Variants in LRCH1 observed in about 807,000 individuals in gnomAD.
The protein encoded by LRCH1 is leucine rich repeats and calponin homology domain containing 1, also known as leucine-rich repeat and calponin homology domain-containing protein 1.
LRCH1 carries 23 observed loss-of-function variants against 94.9 expected under a neutral mutation model. The ratio of observed to expected loss-of-function variants is 0.24; its 90% CI spans 0.17 to 0.34. The LOEUF (loss-of-function observed/expected upper bound fraction) is 0.34, where lower values mean the gene tolerates loss of function less well. Ranked by LOEUF, LRCH1 falls within the 10% of genes least tolerant of loss-of-function variation. The pLI is 1.00. For synonymous variants in LRCH1, 364 were observed against 354.9 expected, an observed-to-expected ratio of 1.03 and a Z score of -0.29; for missense variants, 790 against 945.9, an observed-to-expected ratio of 0.84 and a Z score of 2.16.
At chr13:46,573,582 T>C (rs964891111) in intron 1 of LRCH1, among the ~76,000 whole-genome samples, 3 of 151,978 alleles carry the variant, frequency 2.0e-5, no homozygotes, top group Non-Finnish European at 2.9e-5. Flanking sequence ...TGCAACCACA[T>C]GGATAGAACT....
intron 3 of LRCH1, among the ~76,000 whole-genome samples, chr13:46,677,255 CAAAA>C (rs67827727): frequency 1.4e-4 from 14 of 98,070 alleles, no homozygotes; most frequent in African/African-American, 4.7e-4. Context: ...ACTAAAAATA[CAAAA>C]AAAAAAAAAA....
rs148383064 is a variant in LRCH1, at chr13:46,650,101, C to G, written c.308-100C>G. The G allele has an allele frequency of 8.4e-4, 629 of 750,788 alleles. 8 individuals are homozygous for G. In the African/African-American group the frequency reaches 0.01, roughly 12 times the overall value. 46.5% of individuals were successfully genotyped at this position (750,788 alleles called of 1,614,324 possible). A position where few individuals can be genotyped will look rare whatever the true frequency, so the allele number is the denominator to read the frequency against. On this transcript the variant is annotated intron_variant, in intron 1 of 19. Transcript: ENST00000389797. ...TGCAAAAAAAAATGATAATGTTGGT[C>G]AAAATGTATAATGTTAAGAAAAACA...
chr13:46,667,102 C>G (rs2051527116), intron 2 of LRCH1, among the ~76,000 whole-genome samples: 1 of 152,160 alleles, frequency 6.6e-6, no homozygotes, highest in South Asian at 2.1e-4. Flanking sequence ...CTGCTGGACC[C>G]TCTTAAAGAA....
chr13:46,576,550 C>T (rs1336111005), intron 1 of LRCH1, among the ~76,000 whole-genome samples: 2 of 152,144 alleles, frequency 1.3e-5, no homozygotes, highest in African/African-American at 4.8e-5. Context: ...TTGATTAGAG[C>T]CCTGAGCTTT....
intron 1 of LRCH1, among the ~76,000 whole-genome samples, chr13:46,640,890 T>C (rs1350115005): frequency 1.3e-5 from 2 of 152,226 alleles, no homozygotes; most frequent in Non-Finnish European, 2.9e-5. Context: ...ACATTTCTGT[T>C]GTTTGACCTG....
rs181393800 is a variant in LRCH1 at position 46,613,491 on chromosome 13, A to T, written c.308-36710A>T. ...CTCCCTCCCTCTCCCTTCCTTAATG[A>T]TAAGCCCTCAGCTTTGCTCAGGACT... is the stretch of plus-strand genomic sequence containing the variant. On this transcript the variant is annotated intron_variant, in intron 1 of 19. Transcript: ENST00000389797. Among the ~76,000 whole-genome samples the T allele has an allele frequency of 3.4e-4, 51 of 152,096 alleles. No homozygotes were observed. In the East Asian group the frequency reaches 6.8e-3, roughly 20 times the overall value.
chr13:46,741,231 G>C (rs2138250487), intron 19 of LRCH1, among the ~76,000 whole-genome samples: 1 of 152,240 alleles, frequency 6.6e-6, no homozygotes, highest in East Asian at 1.9e-4. Flanking sequence ...ATGGAGAGTG[G>C]GGGTAGGGAT....
chr13:46,553,579 G>T lies in LRCH1; in HGVS notation c.183G>T (p.Arg61=). The change falls in exon 1 of 20, where the codon CGG becomes CGT. Residue 61 remains arginine (R), a synonymous_variant. Coordinates refer to ENST00000389797, the MANE Select transcript of LRCH1 (RefSeq NM_001164211.2). ...GSGGFNLPLN[R]GLERALEEAA... Reference sequence around the variant, plus strand: ...GGGGCTTCAACCTGCCCTTGAACCGGGGTCTGGAGCGCGCGCTTGAGGAGG... The same window carrying T: ...GGGGCTTCAACCTGCCCTTGAACCGTGGTCTGGAGCGCGCGCTTGAGGAGG... 1 of 1,552,020 alleles carries T rather than the reference G, an allele frequency of 6.4e-7. No homozygotes were observed. Among genetic ancestry groups the T allele is most frequent in the Middle Eastern group, 1.7e-4 (1 of 5,982 alleles).
chr13:46,633,557 G>A (rs1420140529), intron 1 of LRCH1, among the ~76,000 whole-genome samples: 9 of 152,218 alleles, frequency 5.9e-5, no homozygotes, highest in Non-Finnish European at 8.8e-5. Flanking sequence ...AAGCCTTCAC[G>A]TTTCAAGAAG....
intron 1 of LRCH1, among the ~76,000 whole-genome samples, chr13:46,648,013 C>T (rs959781171): frequency 9.2e-5 from 14 of 152,204 alleles, no homozygotes; most frequent in African/African-American, 3.4e-4. Flanking sequence ...TTATTGTACA[C>T]TTTATTTCTA....
At chr13:46,601,808 G>C (rs2050631910) in intron 1 of LRCH1, among the ~76,000 whole-genome samples, 1 of 152,146 alleles carries the variant, frequency 6.6e-6, no homozygotes, top group Non-Finnish European at 1.5e-5. Flanking sequence ...TGCCTGGGGT[G>C]TTAGGAATAT....
chr13:46,622,949 A>C (rs1594293534), intron 1 of LRCH1, among the ~76,000 whole-genome samples: 1 of 152,348 alleles, frequency 6.6e-6, no homozygotes, highest in East Asian at 1.9e-4. Context: ...TAGTGAGCTG[A>C]AGCCTTTTGG....
At chr13:46,738,580 G>T (rs1300374686) in intron 19 of LRCH1, among the ~76,000 whole-genome samples, 1 of 152,140 alleles carries the variant, frequency 6.6e-6, no homozygotes, top group Non-Finnish European at 1.5e-5. Flanking sequence ...AAGAATAAGA[G>T]AAATGGGTCC....
intron 19 of LRCH1, among the ~76,000 whole-genome samples, chr13:46,740,061 T>C (rs1443129219): frequency 5.3e-5 from 8 of 152,256 alleles, no homozygotes; most frequent in Non-Finnish European, 1.5e-5. Context: ...TCAGTTTGCA[T>C]ATCAGCCTTC....
chr13:46,595,345 T>C (rs1251405003), intron 1 of LRCH1, among the ~76,000 whole-genome samples: 1 of 152,174 alleles, frequency 6.6e-6, no homozygotes. Context: ...AGTGACTTCC[T>C]CACCGCTGAT....
intron 18 of LRCH1, among the ~76,000 whole-genome samples, 173 bp downstream of exon 18, chr13:46,729,157 T>A (rs1340879315): frequency 6.6e-6 from 1 of 152,034 alleles, no homozygotes; most frequent in Non-Finnish European, 1.5e-5. Flanking sequence ...TGAAGCAACA[T>A]TTTCCCGGTA....
chr13:46,738,335 G>C (rs1339406956), intron 19 of LRCH1, among the ~76,000 whole-genome samples: 1 of 152,200 alleles, frequency 6.6e-6, no homozygotes, highest in East Asian at 1.9e-4. Context: ...AGTACATTCA[G>C]ATGCTAATGA....
At position 46,621,373 on chromosome 13, in the gene LRCH1, A is replaced by T. The variant is rs150020299; in HGVS notation, c.308-28828A>T. 3.3e-5 allele frequency among the ~76,000 whole-genome samples: 5 copies of T among 152,370 alleles called. No homozygotes were observed. The East Asian group carries it at 9.6e-4, about 29-fold the overall frequency. On this transcript the variant is annotated intron_variant, in intron 1 of 19. Transcript: ENST00000389797. ...ACATTTGTCAAATGAATGGAAATGC[A>T]GCTGACTTGCTAGAGCTCAGTTCTG...
At chr13:46,716,448 A>T (rs1330225640) in intron 16 of LRCH1, among the ~76,000 whole-genome samples, 3 of 152,234 alleles carry the variant, frequency 2.0e-5, no homozygotes, top group Non-Finnish European at 4.4e-5. Context: ...AATTTTAAAC[A>T]TTTTACTTCA....
Sources: allele counts gnomAD v4.1 joint callset (sites outside exome capture counted in the v4.1 genomes callset), GRCh38; gene constraint gnomAD v4.1.1; transcripts MANE v1.5; gene names NCBI Gene and HGNC (gene_info 2026-07-23, HGNC 2026-07-21).